THSD7B: variants seen among roughly 807,000 people sequenced by gnomAD.
The protein encoded by THSD7B is thrombospondin type 1 domain containing 7B.
Under a neutral mutation model 213.6 loss-of-function variants are expected in THSD7B, and 138 were observed. The ratio of observed to expected loss-of-function variants is 0.65; its 90% CI spans 0.56 to 0.74. The LOEUF (loss-of-function observed/expected upper bound fraction) is 0.74. Ranked by LOEUF, THSD7B falls within the 30% of genes least tolerant of loss-of-function variation. THSD7B has a pLI of 0.00. For synonymous variants in THSD7B, 742 were observed against 687.0 expected (o/e 1.08, Z -1.25); for missense variants, 1,931 against 1,991.5 (o/e 0.97, Z 0.58).
At chr2:137,383,522 C>T (rs565616293) in intron 12 of THSD7B, among the ~76,000 whole-genome samples, 14 of 152,236 alleles carry the variant, frequency 9.2e-5, no homozygotes, top group East Asian at 7.7e-4. Context: ...AAGAATAGGC[C>T]GAGGCAGACA....
At chr2:136,913,487 CCATGTCAGAGGCCTT>C (rs1464601990) in intron 2 of THSD7B, among the ~76,000 whole-genome samples, 1 of 152,208 alleles carries the variant, frequency 6.6e-6, no homozygotes, top group Non-Finnish European at 1.5e-5. Context: ...TGTCTCCAGG[CCATGTCAGAGGCCTT>C]CATGGCAGCC....
At chr2:136,812,461 A>G (rs1682391485) in intron 1 of THSD7B, among the ~76,000 whole-genome samples, 1 of 152,248 alleles carries the variant, frequency 6.6e-6, no homozygotes, top group East Asian at 1.9e-4. Context: ...CATGATTCTG[A>G]TAAGACTGTA....
intron 8 of THSD7B, 71 bp downstream of exon 8, chr2:137,231,306 A>G (rs1681635203): frequency 7.0e-7 from 1 of 1,429,964 alleles, no homozygotes; most frequent in Non-Finnish European, 9.5e-7. Context: ...CATTGGTGAT[A>G]GAGAAGTTTA....
chr2:137,553,301 T>C (rs1343541944), intron 15 of THSD7B, among the ~76,000 whole-genome samples: 1 of 152,178 alleles, frequency 6.6e-6, no homozygotes, highest in Non-Finnish European at 1.5e-5. Context: ...ATTTTTTTAA[T>C]GTGGTTGTTG....
intron 1 of THSD7B, among the ~76,000 whole-genome samples, chr2:136,864,368 G>A (rs1683299954): frequency 1.3e-5 from 2 of 152,100 alleles, no homozygotes; most frequent in African/African-American, 4.8e-5. Flanking sequence ...GTTGAAGCTT[G>A]GAAAAGTAAG....
chr2:137,315,424 A>G (rs1040239464), intron 12 of THSD7B, among the ~76,000 whole-genome samples: 1 of 152,106 alleles, frequency 6.6e-6, no homozygotes, highest in African/African-American at 2.4e-5. Flanking sequence ...CCCTAGTGAG[A>G]TGAACCCGAT....
chr2:137,487,572 T>C (rs888224805), intron 15 of THSD7B, among the ~76,000 whole-genome samples: 30 of 151,616 alleles, frequency 2.0e-4, no homozygotes, highest in African/African-American at 6.3e-4. Flanking sequence ...CTAGCAAGAC[T>C]AATAAAGAAG....
chr2:136,990,039 C>A (rs1685741266), intron 2 of THSD7B, among the ~76,000 whole-genome samples: 1 of 152,124 alleles, frequency 6.6e-6, no homozygotes, highest in African/African-American at 2.4e-5. Context: ...AATTGGCTAA[C>A]CTAAAGTGAC....
intron 1 of THSD7B, among the ~76,000 whole-genome samples, chr2:136,875,314 C>T (rs866203606): frequency 3.3e-5 from 5 of 152,022 alleles, no homozygotes; most frequent in African/African-American, 7.3e-5. Flanking sequence ...CCCAGCTGCT[C>T]GGGAGGCTGA....
chr2:137,129,909 G>A (rs1442093669), intron 5 of THSD7B, among the ~76,000 whole-genome samples: 5 of 152,154 alleles, frequency 3.3e-5, no homozygotes, highest in South Asian at 4.1e-4. Context: ...ATGAGAATAC[G>A]ATGAGCATTA....
At chr2:137,165,288 C>T (rs1004283481) in intron 6 of THSD7B, among the ~76,000 whole-genome samples, 19 of 152,158 alleles carry the variant, frequency 1.2e-4, no homozygotes, top group African/African-American at 4.6e-4. Flanking sequence ...ATAAATGCTC[C>T]CCTAGAGCAG....
chr2:136,954,258 G>C (rs1018115677), intron 2 of THSD7B, among the ~76,000 whole-genome samples: 3 of 152,162 alleles, frequency 2.0e-5, no homozygotes, highest in African/African-American at 7.2e-5. Flanking sequence ...AGTCCGGAAG[G>C]CTCCCTAAGG....
intron 14 of THSD7B, among the ~76,000 whole-genome samples, chr2:137,427,754 T>C (rs1458288092): frequency 1.3e-5 from 2 of 152,132 alleles, no homozygotes; most frequent in African/African-American, 2.4e-5. Flanking sequence ...GTAAAACTAA[T>C]GTACTTGAAT....
chr2:137,631,770 A>G (rs1409565507), intron 20 of THSD7B, among the ~76,000 whole-genome samples: 2 of 152,188 alleles, frequency 1.3e-5, no homozygotes, highest in African/African-American at 4.8e-5. Context: ...TGGAAGAAAA[A>G]GAATAGACAA....
intron 12 of THSD7B, among the ~76,000 whole-genome samples, chr2:137,329,193 G>C (rs910242526): frequency 6.6e-6 from 1 of 152,138 alleles, no homozygotes; most frequent in African/African-American, 2.4e-5. Context: ...ATAGTGATAT[G>C]AACAATAAAG....
chr2:137,373,387 C>A (rs1333524895), intron 12 of THSD7B, among the ~76,000 whole-genome samples: 36 of 152,194 alleles, frequency 2.4e-4, no homozygotes, highest in African/African-American at 8.2e-4. Flanking sequence ...AATGATTGCT[C>A]TTCTAACTGG....
rs1683397774 is a variant in THSD7B, at chr2:136,869,587, A to T, written c.-35-12557A>T. 3.3e-5 allele frequency among the ~76,000 whole-genome samples: 5 copies of T among 152,328 alleles called. No homozygotes were observed. The South Asian group carries it at 1.0e-3, about 32-fold the overall frequency. On this transcript the variant is annotated intron_variant, in intron 1 of 27. Transcript: ENST00000409968. ...TTGAATAATAATGTAAAACGGTCCT[A>T]CCATAAGAAGTAAAAAAATCATACC...
At chr2:137,184,660 A>G (rs1265850164) in intron 7 of THSD7B, among the ~76,000 whole-genome samples, 8 of 152,130 alleles carry the variant, frequency 5.3e-5, no homozygotes. Context: ...TATATTGTCT[A>G]TATGTCATAT....
intron 15 of THSD7B, among the ~76,000 whole-genome samples, chr2:137,520,809 A>T (rs1001730785): frequency 1.4e-4 from 21 of 152,240 alleles, no homozygotes; most frequent in Middle Eastern, 3.2e-3. Flanking sequence ...TACTTCTTTC[A>T]TAATGCTAGA....
Sources: allele counts gnomAD v4.1 joint callset (sites outside exome capture counted in the v4.1 genomes callset), GRCh38; gene constraint gnomAD v4.1.1; transcripts MANE v1.5; gene names NCBI Gene and HGNC (gene_info 2026-07-23, HGNC 2026-07-21).